The following ABCD3 variants were observed in gnomAD, a reference collection of about 807,000 sequenced individuals.
ABCD3 encodes ATP binding cassette subfamily D member 3, also known as ATP-binding cassette sub-family D member 3.
Under a neutral mutation model 105.5 loss-of-function variants are expected in ABCD3, and 41 were observed. The observed-to-expected ratio is 0.39, with a 90% CI of 0.30 to 0.50. The LOEUF is 0.50. Ranked by LOEUF, ABCD3 falls within the 20% of genes least tolerant of loss-of-function variation. The pLI is 0.84. For missense variants in ABCD3, 622 were observed against 806.3 expected, an observed-to-expected ratio of 0.77 and a Z score of 2.77; for synonymous variants, 258 against 269.0, an observed-to-expected ratio of 0.96 and a Z score of 0.40.
At position 94,468,850 on chromosome 1, in the gene ABCD3, T is replaced by C. The variant is rs569096334; in HGVS notation, c.335+843T>C. 2.6e-5 allele frequency among the ~76,000 whole-genome samples: 4 copies of C among 151,604 alleles called. No homozygotes were observed. In the South Asian group the frequency reaches 8.4e-4, roughly 32 times the overall value. ...GGAAGAATGCTTTATGACCATGCTCTCTGACTCATTTCTCTAGGACAGTAA... is the reference window on the plus strand; with the variant it reads ...GGAAGAATGCTTTATGACCATGCTCCCTGACTCATTTCTCTAGGACAGTAA... On this transcript the variant is annotated intron_variant, in intron 4 of 22. Coordinates refer to ENST00000370214, the MANE Select transcript of ABCD3 (RefSeq NM_002858.4).
the ABCD3 span, among the ~76,000 whole-genome samples, chr1:94,398,908 G>A: frequency 2.6e-5 from 4 of 151,936 alleles, no homozygotes; most frequent in East Asian, 7.7e-4. Context: ...CTGACAGAGT[G>A]AGACTCCGTC....
rs777109063 is a variant in ABCD3 at position 94,478,301 on chromosome 1, G to A, written c.670G>A (p.Ala224Thr). The change falls in exon 8 of 23, where the codon GCA becomes ACA. Residue 224 changes from alanine to threonine, a missense_variant. By Grantham distance (58) the Ala-to-Thr change is moderately conservative. Transcript: ENST00000370214. ...TTTGTATATCTTTAAGTTAACGAGT[G>A]CAATTGGAGCTCAGGTGAGTCTGCT... The part of the protein sequence containing the change: ...IVLYIFKLTS[A>T]IGAQGPASMM... The A allele has an allele frequency of 7.5e-6, 12 of 1,602,920 alleles. No homozygotes were observed. The highest frequency in any genetic ancestry group is 1.9e-4 in the Middle Eastern group (1 of 5,384).
At chr1:94,464,309 A>C (rs909544135) in intron 2 of ABCD3, among the ~76,000 whole-genome samples, 1 of 152,108 alleles carries the variant, frequency 6.6e-6, no homozygotes, top group Non-Finnish European at 1.5e-5. Flanking sequence ...ATATCAGGCA[A>C]AATTCTGTTC....
At chr1:94,458,522 T>C (rs2100960203) in intron 1 of ABCD3, 85 bp from the exon 2 acceptor site, 1 of 1,153,488 alleles carries the variant, frequency 8.7e-7, no homozygotes, top group Non-Finnish European at 1.3e-6. Context: ...TTAAATAATT[T>C]GGTATATTTG....
At chr1:94,408,612 A>C in the ABCD3 span, among the ~76,000 whole-genome samples, 1 of 152,052 alleles carries the variant, frequency 6.6e-6, no homozygotes, top group Non-Finnish European at 1.5e-5. Context: ...AACAAACAAA[A>C]AAATCAGAAT....
intron 2 of ABCD3, among the ~76,000 whole-genome samples, chr1:94,464,419 T>C (rs1315785758): frequency 6.6e-6 from 1 of 152,080 alleles, no homozygotes; most frequent in Non-Finnish European, 1.5e-5. Flanking sequence ...GACCTCGTCC[T>C]CTGTGATGGT....
rs71094302 is a variant in ABCD3, at chr1:94,496,694, G to GTTTTTTTTTT, written c.1387-1888_1387-1879dup. ...CTTCAGTAAAATCAGCCTTGTTTCT[G>GTTTTTTTTTT]TTTTTTTTTTTTTTTTTTTTTTTTT... On this transcript the variant is annotated intron_variant, in intron 16 of 22. Transcript: ENST00000370214. Among the ~76,000 whole-genome samples, 20 of 39,370 alleles carry GTTTTTTTTTT rather than the reference G, an allele frequency of 5.1e-4. 1 individual carries two copies. The highest frequency in any genetic ancestry group is 1.1e-3 in the East Asian group (1 of 928). The allele number at this position is 39,370 out of a possible 152,430, so 25.8% of individuals were successfully genotyped here.
chr1:94,502,493 C>T (rs1283408628), intron 20 of ABCD3, among the ~76,000 whole-genome samples: 1 of 121,248 alleles, frequency 8.2e-6, no homozygotes, highest in Non-Finnish European at 1.7e-5. Flanking sequence ...GGAATGCCCC[C>T]CTAGTTTTTT....
At chr1:94,513,877 CTGATAATA>C (rs1283355950) in intron 21 of ABCD3, 1 of 151,918 alleles carries the variant, frequency 6.6e-6, no homozygotes, top group Non-Finnish European at 1.5e-5. Context: ...TTTATTAATA[CTGATAATA>C]TGCTTATTTT....
chr1:94,478,348 A>T, intron 8 of ABCD3, 33 bp downstream of exon 8: 1 of 1,483,776 alleles, frequency 6.7e-7, no homozygotes, highest in Non-Finnish European at 9.4e-7. Flanking sequence ...TTTTAAATTG[A>T]TATAATATAA....
chr1:94,512,395 T>G (rs1378352189), intron 21 of ABCD3, among the ~76,000 whole-genome samples: 1 of 151,876 alleles, frequency 6.6e-6, no homozygotes, highest in Non-Finnish European at 1.5e-5. Context: ...TCTCTTTATA[T>G]ATGGGAAATA....
At chr1:94,414,621 T>A (rs148845760), upstream of ABCD3, among the ~76,000 whole-genome samples, 1 of 152,262 alleles carries the variant, frequency 6.6e-6, no homozygotes, top group African/African-American at 2.4e-5. Flanking sequence ...TCCTACCCGG[T>A]TGGATTGGTG....
intron 5 of ABCD3, among the ~76,000 whole-genome samples, chr1:94,474,817 T>C (rs1252411223): frequency 6.6e-6 from 1 of 151,744 alleles, no homozygotes; most frequent in African/African-American, 2.4e-5. Flanking sequence ...AATATAAATG[T>C]CTGAACTCCT....
the ABCD3 span, among the ~76,000 whole-genome samples, chr1:94,405,709 T>C: frequency 6.6e-6 from 1 of 152,212 alleles, no homozygotes; most frequent in Non-Finnish European, 1.5e-5. Context: ...CCAACGTGTT[T>C]AAAGACCAGC....
At chr1:94,502,000 G>A (rs909805099) in intron 20 of ABCD3, among the ~76,000 whole-genome samples, 6 of 150,640 alleles carry the variant, frequency 4.0e-5, no homozygotes, top group East Asian at 2.0e-4. Context: ...CTCCTTTCCT[G>A]TCCAGTACAG....
chr1:94,440,677 A>T (rs143177252), intron 1 of ABCD3, among the ~76,000 whole-genome samples: 1 of 152,190 alleles, frequency 6.6e-6, no homozygotes, highest in African/African-American at 2.4e-5. Flanking sequence ...TCACTCTGCT[A>T]CCTTTCGGGT....
intron 20 of ABCD3, among the ~76,000 whole-genome samples, chr1:94,506,091 C>A (rs1262147879): frequency 6.6e-6 from 1 of 152,096 alleles, no homozygotes; most frequent in Admixed American, 6.6e-5. Flanking sequence ...GGATATAAAA[C>A]AGGTACAATA....
intron 1 of ABCD3, among the ~76,000 whole-genome samples, chr1:94,456,040 T>C (rs901702296): frequency 6.6e-6 from 1 of 152,054 alleles, no homozygotes; most frequent in Non-Finnish European, 1.5e-5. Flanking sequence ...TTATTCATCT[T>C]GCGTGACTGA....
chr1:94,462,502 C>T (rs534051024), intron 2 of ABCD3, among the ~76,000 whole-genome samples: 41 of 152,202 alleles, frequency 2.7e-4, no homozygotes, highest in African/African-American at 8.2e-4. Flanking sequence ...ATAGTTAGTT[C>T]CTTTCATGGA....
Sources: allele counts gnomAD v4.1 joint callset (sites outside exome capture counted in the v4.1 genomes callset), GRCh38; gene constraint gnomAD v4.1.1; transcripts MANE v1.5; gene names NCBI Gene and HGNC (gene_info 2026-07-23, HGNC 2026-07-21).